The following EYS variants were observed in gnomAD, a reference collection of about 807,000 sequenced individuals.
EYS encodes the protein protein eyes shut homolog.
In EYS, 250 loss-of-function variants were observed where a neutral mutation model predicts 282.1. That is an observed-to-expected ratio of 0.89 (90% confidence interval 0.80 to 0.98). The LOEUF is 0.98. Among genes scored for constraint, EYS ranks in the 50% least tolerant of loss-of-function variants. EYS has a pLI of 0.00. For synonymous variants in EYS, 1,355 were observed against 1,282.9 expected (o/e 1.06, Z -1.20); for missense variants, 4,016 against 3,709.0 (o/e 1.08, Z -2.15).
intron 2 of EYS, among the ~76,000 whole-genome samples, chr6:65,594,419 T>C (rs560278950): frequency 2.0e-5 from 3 of 152,080 alleles, no homozygotes; most frequent in Non-Finnish European, 4.4e-5. Flanking sequence ...TAAACTATTA[T>C]TTACTGAATT....
intron 12 of EYS, among the ~76,000 whole-genome samples, chr6:65,091,163 G>T (rs1774546379): frequency 6.6e-6 from 1 of 151,328 alleles, no homozygotes; most frequent in Admixed American, 6.6e-5. Context: ...GCCAGGCACG[G>T]TGGCTTAAGC....
intron 22 of EYS, among the ~76,000 whole-genome samples, chr6:64,760,054 C>A (rs1215411897): frequency 6.6e-6 from 1 of 152,194 alleles, no homozygotes; most frequent in Non-Finnish European, 1.5e-5. Flanking sequence ...TTAAAGGTAC[C>A]AATTATGTTT....
chr6:64,089,352 T>C (rs1354513225), intron 31 of EYS, among the ~76,000 whole-genome samples: 2 of 150,296 alleles, frequency 1.3e-5, no homozygotes, highest in Admixed American at 1.3e-4. Context: ...TATTATAATA[T>C]TATAAAATTA....
At chr6:65,095,223 A>T (rs1183847915) in intron 12 of EYS, among the ~76,000 whole-genome samples, 1 of 151,318 alleles carries the variant, frequency 6.6e-6, no homozygotes, top group Non-Finnish European at 1.5e-5. Context: ...AACCTGCAGA[A>T]GTAAACAGTA....
At chr6:64,772,529 G>C (rs1169776866) in intron 22 of EYS, among the ~76,000 whole-genome samples, 1 of 151,678 alleles carries the variant, frequency 6.6e-6, no homozygotes, top group Non-Finnish European at 1.5e-5. Flanking sequence ...TAGTCTCTTA[G>C]TTATTTTAAA....
intron 22 of EYS, among the ~76,000 whole-genome samples, chr6:64,630,194 C>G (rs1464841631): frequency 6.6e-6 from 1 of 152,150 alleles, no homozygotes; most frequent in Non-Finnish European, 1.5e-5. Context: ...CACCCAGGTT[C>G]AAGTGATTCC....
intron 22 of EYS, among the ~76,000 whole-genome samples, chr6:64,667,723 TG>T (rs1281881195): frequency 6.6e-6 from 1 of 152,120 alleles, no homozygotes; most frequent in African/African-American, 2.4e-5. Context: ...ATTTACATAT[TG>T]TTTTTTAAGA....
intron 12 of EYS, among the ~76,000 whole-genome samples, chr6:65,264,527 T>C (rs914384371): frequency 6.6e-6 from 1 of 152,082 alleles, no homozygotes; most frequent in Non-Finnish European, 1.5e-5. Flanking sequence ...ATAATCAAAA[T>C]TGTATTGCAA....
At chr6:64,165,468 T>G (rs1021787836) in intron 31 of EYS, among the ~76,000 whole-genome samples, 4 of 152,158 alleles carry the variant, frequency 2.6e-5, no homozygotes, top group African/African-American at 7.2e-5. Context: ...CAAGTCTTCA[T>G]ATTTACTTTG....
Position 65,448,336 on chromosome 6 carries a change from T to C in EYS, c.862+42258A>G, listed in dbSNP as rs540125181. Among the ~76,000 whole-genome samples the C allele has an allele frequency of 6.6e-5, 10 of 152,126 alleles. No homozygotes were observed. The South Asian group carries it at 1.7e-3, about 25-fold the overall frequency. On this transcript the variant is annotated intron_variant, in intron 5 of 42. Coordinates refer to ENST00000503581, the MANE Select transcript of EYS (RefSeq NM_001142800.2). ...TAAAGAAGTTAGATGACTAACATGA[T>C]TGTATTATGCTTTATAATTTTCCAA...
chr6:64,834,912 T>C (rs2812783), intron 19 of EYS, among the ~76,000 whole-genome samples: 84,189 of 151,528 alleles, frequency 0.56, 24,130 homozygotes, highest in Non-Finnish European at 0.62. Context: ...AACTGATGGT[T>C]GTACTATTGA....
At chr6:65,506,455 C>CCTTTCTTT (rs1562228580) in intron 2 of EYS, among the ~76,000 whole-genome samples, 1 of 107,392 alleles carries the variant, frequency 9.3e-6, no homozygotes, top group African/African-American at 3.4e-5. Context: ...ATCCTTCCTT[C>CCTTTCTTT]CTTTCTTTTT....
chr6:65,593,096 C>T (rs145083475), intron 2 of EYS, among the ~76,000 whole-genome samples: 6 of 152,024 alleles, frequency 3.9e-5, no homozygotes, highest in African/African-American at 1.4e-4. Flanking sequence ...ATGTACAGTC[C>T]AGTAAATCCT....
intron 1 of EYS, among the ~76,000 whole-genome samples, chr6:65,703,211 T>C (rs1262001510): frequency 6.6e-6 from 1 of 152,062 alleles, no homozygotes; most frequent in Non-Finnish European, 1.5e-5. Flanking sequence ...TCTCTCTCTA[T>C]ATATATACTG....
intron 31 of EYS, among the ~76,000 whole-genome samples, chr6:64,147,880 G>A (rs1343034810): frequency 2.6e-5 from 4 of 152,144 alleles, no homozygotes; most frequent in East Asian, 1.9e-4. Flanking sequence ...CTGCAGCCAC[G>A]GTGGACTTTG....
chr6:65,616,492 G>A (rs1766202129), intron 2 of EYS, among the ~76,000 whole-genome samples: 1 of 152,014 alleles, frequency 6.6e-6, no homozygotes, highest in African/African-American at 2.4e-5. Context: ...TATGTTTTAA[G>A]AAGTAAATCT....
At chr6:64,497,936 A>C (rs1208609333) in intron 26 of EYS, among the ~76,000 whole-genome samples, 1 of 152,194 alleles carries the variant, frequency 6.6e-6, no homozygotes, top group East Asian at 1.9e-4. Flanking sequence ...AAGTGAGCTT[A>C]TTAAGAGTCT....
intron 16 of EYS, among the ~76,000 whole-genome samples, chr6:64,905,575 T>C (rs1767801357): frequency 6.6e-6 from 1 of 152,190 alleles, no homozygotes; most frequent in Admixed American, 6.5e-5. Context: ...ACTTCTGCAC[T>C]CGTTCCTCCA....
chr6:64,280,908 G>T (rs917780721), intron 30 of EYS, among the ~76,000 whole-genome samples: 1 of 152,090 alleles, frequency 6.6e-6, no homozygotes, highest in Non-Finnish European at 1.5e-5. Context: ...AGAAAATTAG[G>T]TAACTATGTA....
Sources: allele counts gnomAD v4.1 joint callset (sites outside exome capture counted in the v4.1 genomes callset), GRCh38; gene constraint gnomAD v4.1.1; transcripts MANE v1.5; gene names NCBI Gene and HGNC (gene_info 2026-07-23, HGNC 2026-07-21).